AVEN: variants seen among roughly 807,000 people sequenced by gnomAD.
AVEN encodes apoptosis and caspase activation inhibitor.
A neutral mutation model predicts 38.1 loss-of-function variants in AVEN; 41 were observed. The ratio of observed to expected loss-of-function variants is 1.08; its 90% CI spans 0.84 to 1.40. The LOEUF (loss-of-function observed/expected upper bound fraction) is 1.40. AVEN is among the 40% of genes most tolerant of loss of function. The pLI, the probability that AVEN is intolerant of heterozygous loss-of-function variation, is 0.00. For synonymous variants in AVEN, 206 were observed against 171.8 expected, an observed-to-expected ratio of 1.20 and a Z score of -1.56; for missense variants, 605 against 438.8, an observed-to-expected ratio of 1.38 and a Z score of -3.38.
intron 2 of AVEN, among the ~76,000 whole-genome samples, chr15:34,000,660 A>G (rs1897103497): frequency 6.6e-6 from 1 of 152,242 alleles, no homozygotes; most frequent in South Asian, 2.1e-4. Context: ...AATTTTTATT[A>G]TCAGAGAATG....
At chr15:34,006,545 G>A (rs1173055087) in intron 1 of AVEN, among the ~76,000 whole-genome samples, 1 of 152,154 alleles carries the variant, frequency 6.6e-6, no homozygotes, top group Admixed American at 6.5e-5. Flanking sequence ...ATCTAAAAGA[G>A]GATTATGATC....
intron 2 of AVEN, among the ~76,000 whole-genome samples, chr15:33,945,771 G>C (rs1336504333): frequency 6.6e-6 from 1 of 152,116 alleles, no homozygotes; most frequent in African/African-American, 2.4e-5. Context: ...TATTTTCGTA[G>C]AGACGGGGTT....
downstream of AVEN, among the ~76,000 whole-genome samples, chr15:33,855,689 T>C (rs953962254): frequency 6.6e-6 from 1 of 152,284 alleles, no homozygotes; most frequent in Admixed American, 6.5e-5. Context: ...CACACACATA[T>C]GTATATGGTT....
chr15:34,041,036 T>A (rs900059224), upstream of AVEN, among the ~76,000 whole-genome samples: 3 of 152,140 alleles, frequency 2.0e-5, no homozygotes, highest in African/African-American at 7.2e-5. Flanking sequence ...AAGTTGAAGA[T>A]CCACACATTA....
chr15:33,992,690 G>A (rs74007655), intron 2 of AVEN, among the ~76,000 whole-genome samples: 3,561 of 152,194 alleles, frequency 0.023, 128 homozygotes, highest in African/African-American at 0.08. Flanking sequence ...CTGAATCAAT[G>A]AGGACAAATA....
intron 2 of AVEN, among the ~76,000 whole-genome samples, chr15:33,997,412 C>T (rs1290483015): frequency 6.6e-6 from 1 of 152,132 alleles, no homozygotes; most frequent in East Asian, 1.9e-4. Flanking sequence ...GATGTTCAAC[C>T]TCAGTAATAA....
chr15:33,860,647 A>G, intron 11 of AVEN: 1 of 1,592,120 alleles, frequency 6.3e-7, no homozygotes. Flanking sequence ...AACAAGTACG[A>G]GAAGATATGG....
chr15:34,054,744 A>G (rs1417925132), intron 5 of AVEN, among the ~76,000 whole-genome samples: 2 of 152,124 alleles, frequency 1.3e-5, no homozygotes, highest in African/African-American at 2.4e-5. Context: ...TGGGCTTAAT[A>G]CCTAGGTAAT....
At chr15:34,056,258 T>C (rs1200655297) in intron 5 of AVEN, among the ~76,000 whole-genome samples, 1 of 152,204 alleles carries the variant, frequency 6.6e-6, no homozygotes, top group East Asian at 1.9e-4. Context: ...CTTAATTCCA[T>C]ATATGGAGAA....
chr15:33,862,278 T>A (rs1339000144), downstream of AVEN, among the ~76,000 whole-genome samples: 1 of 152,144 alleles, frequency 6.6e-6, no homozygotes, highest in African/African-American at 2.4e-5. Flanking sequence ...AGTGGTATGA[T>A]CTTGGCTCAC....
chr15:33,954,207 GTGTAAACAAGT>G (rs1264358422), intron 2 of AVEN, among the ~76,000 whole-genome samples: 2 of 152,210 alleles, frequency 1.3e-5, no homozygotes, highest in Admixed American at 6.5e-5. Flanking sequence ...GTTGGCAGGA[GTGTAAACAAGT>G]TCAACCATTG....
chr15:33,963,464 C>T (rs531925550), intron 2 of AVEN, among the ~76,000 whole-genome samples: 1 of 152,268 alleles, frequency 6.6e-6, no homozygotes, highest in East Asian at 1.9e-4. Flanking sequence ...CCCTAAAGAT[C>T]AGATGCCAGA....
chr15:33,963,367 C>A (rs1895271702), intron 2 of AVEN, among the ~76,000 whole-genome samples: 1 of 152,054 alleles, frequency 6.6e-6, no homozygotes, highest in African/African-American at 2.4e-5. Context: ...TGATATAAAG[C>A]AAAATGGAAA....
At chr15:34,016,181 C>A (rs1364195316) in intron 1 of AVEN, among the ~76,000 whole-genome samples, 1 of 152,160 alleles carries the variant, frequency 6.6e-6, no homozygotes, top group African/African-American at 2.4e-5. Flanking sequence ...TTACAGTGAG[C>A]CAAGATCGTG....
chr15:34,011,959 G>A (rs1897656210), intron 1 of AVEN, among the ~76,000 whole-genome samples: 1 of 152,194 alleles, frequency 6.6e-6, no homozygotes, highest in Admixed American at 6.5e-5. Context: ...TACAGTTTGT[G>A]GAGGTCCTTT....
intron 2 of AVEN, among the ~76,000 whole-genome samples, chr15:33,882,744 G>A (rs760729347): frequency 3.3e-5 from 5 of 151,922 alleles, no homozygotes; most frequent in Non-Finnish European, 5.9e-5. Flanking sequence ...ACAGTGGCCC[G>A]CACCTATAGT....
downstream of AVEN, among the ~76,000 whole-genome samples, chr15:33,863,358 C>T (rs1194908530): frequency 6.6e-6 from 1 of 152,156 alleles, no homozygotes; most frequent in East Asian, 1.9e-4. Flanking sequence ...TACTGTGGGC[C>T]AGGACCTGAC....
At chr15:33,858,804 CTG>C (rs2080007434) in exon 12 of AVEN, 2 of 152,234 alleles carry the variant, frequency 1.3e-5, no homozygotes, top group Non-Finnish European at 1.5e-5. Context: ...GAAAAAGAAT[CTG>C]TGTCTCAGGG....
At chr15:34,020,068 T>C (rs1898134227) in intron 1 of AVEN, among the ~76,000 whole-genome samples, 2 of 152,150 alleles carry the variant, frequency 1.3e-5, no homozygotes, top group South Asian at 2.1e-4. Flanking sequence ...TCCCAGCACT[T>C]TGGGAGGCCA....
Sources: allele counts gnomAD v4.1 joint callset (sites outside exome capture counted in the v4.1 genomes callset), GRCh38; gene constraint gnomAD v4.1.1; transcripts MANE v1.5; gene names NCBI Gene and HGNC (gene_info 2026-07-23, HGNC 2026-07-21).